Variants in EVI5 observed in about 807,000 individuals in gnomAD.
The protein encoded by EVI5 is ecotropic viral integration site 5.
A neutral mutation model predicts 112.0 loss-of-function variants in EVI5; 73 were observed. The ratio of observed to expected loss-of-function variants is 0.65; its 90% confidence interval spans 0.54 to 0.79. The LOEUF (loss-of-function observed/expected upper bound fraction) is 0.79, where lower values mean the gene tolerates loss of function less well. Ranked by LOEUF, EVI5 falls within the 30% of genes least tolerant of loss-of-function variation. The probability of loss-of-function intolerance (pLI) is 0.00; values close to 1 mark genes in which losing one functional copy is unlikely to be tolerated. For synonymous variants in EVI5, 305 were observed against 319.9 expected, an observed-to-expected ratio of 0.95 and a Z score of 0.50; for missense variants, 900 against 968.8, an observed-to-expected ratio of 0.93 and a Z score of 0.94.
intron 12 of EVI5, 72 bp from the exon 13 acceptor site, chr1:92,662,937 A>T: frequency 5.6e-6 from 4 of 712,100 alleles, no homozygotes; most frequent in Non-Finnish European, 7.1e-6. Flanking sequence ...TGTGAGGTTT[A>T]GTTATTTACT....
chr1:92,536,281 C>A (rs1235920259), intron 19 of EVI5, among the ~76,000 whole-genome samples: 2 of 151,988 alleles, frequency 1.3e-5, no homozygotes, highest in South Asian at 4.2e-4. Flanking sequence ...CCCCCAAAAA[C>A]ATTTAGTAAT....
In EVI5 at chr1:92,694,258, C is replaced by T. The variant is rs761840466; in HGVS notation, c.999+41G>A. The T allele has an allele frequency of 9.8e-6, 12 of 1,228,012 alleles. No homozygotes were observed. In the East Asian group the frequency reaches 2.8e-4, roughly 29 times the overall value. 76.1% of individuals were successfully genotyped at this position (1,228,012 alleles called of 1,614,324 possible). ...CCAGCCTGGGCAACAGAACTAAACT[C>T]TGTCTCAAAAAAAAAAAAAGAAAAT... On this transcript the variant is annotated intron_variant, in intron 8 of 19. Coordinates refer to ENST00000684568, the MANE Select transcript of EVI5 (RefSeq NM_001350197.2).
At chr1:92,591,654 A>C (rs919919433) in intron 18 of EVI5, among the ~76,000 whole-genome samples, 1 of 152,180 alleles carries the variant, frequency 6.6e-6, no homozygotes, top group African/African-American at 2.4e-5. Flanking sequence ...CTCCCACACA[A>C]TAATAATGGG....
At chr1:92,608,564 C>T (rs1368956218) in intron 16 of EVI5, among the ~76,000 whole-genome samples, 4 of 152,030 alleles carry the variant, frequency 2.6e-5, no homozygotes, top group African/African-American at 4.8e-5. Context: ...ATTAGTCAGG[C>T]ATGGTGGTGC....
rs370480607 is a variant in EVI5, at chr1:92,741,970, T to C, written c.-81-5343A>G. 2.8e-4 allele frequency among the ~76,000 whole-genome samples: 42 copies of C among 152,164 alleles called. 1 individual carries two copies. In the South Asian group the frequency reaches 8.1e-3, roughly 29 times the overall value. On this transcript the variant is annotated intron_variant, in intron 1 of 19. Transcript: ENST00000684568. ...GCAACAAAAGGAAAAAAAAGATAAA[T>C]TGGACTCCATCAAAATTAAAAACTT...
At chr1:92,518,207 C>A (rs887727065) in intron 19 of EVI5, among the ~76,000 whole-genome samples, 2 of 152,078 alleles carry the variant, frequency 1.3e-5, no homozygotes, top group Admixed American at 1.3e-4. Flanking sequence ...AAAGCATATG[C>A]TTTTGAGGCC....
chr1:92,677,993 C>G (rs1667011023), intron 9 of EVI5, among the ~76,000 whole-genome samples: 2 of 152,036 alleles, frequency 1.3e-5, no homozygotes, highest in Admixed American at 6.6e-5. Flanking sequence ...CAACTAGGAG[C>G]TAAACACTGG....
intron 1 of EVI5, among the ~76,000 whole-genome samples, chr1:92,738,710 GTATT>G (rs764309475): frequency 1.4e-4 from 22 of 152,260 alleles, no homozygotes; most frequent in Non-Finnish European, 2.1e-4. Context: ...TATAGTTAGA[GTATT>G]TAATTGCATC....
intron 18 of EVI5, among the ~76,000 whole-genome samples, chr1:92,581,141 T>G (rs1390017028): frequency 6.6e-6 from 1 of 152,234 alleles, no homozygotes; most frequent in Non-Finnish European, 1.5e-5. Flanking sequence ...ACTAACTATC[T>G]CTCCACCATA....
Position 92,543,830 on chromosome 1 carries a change from GA to G in EVI5, c.2166+19811del, listed in dbSNP as rs572696252. Among the ~76,000 whole-genome samples the G allele has an allele frequency of 3.9e-5, 6 of 152,256 alleles. No individual in the cohort carries two copies. The East Asian group carries it at 1.2e-3, about 29-fold the overall frequency. Reference sequence around the variant, plus strand: ...GACATGAAGTGAGCACACGCTGTTGGAAAAACGGCATTGAAAGACTTGCTCA... The same window carrying G: ...GACATGAAGTGAGCACACGCTGTTGGAAAACGGCATTGAAAGACTTGCTCA... On this transcript the variant is annotated intron_variant, in intron 19 of 19. Coordinates refer to ENST00000684568, the MANE Select transcript of EVI5 (RefSeq NM_001350197.2).
chr1:92,590,881 CA>C (rs1231662462), intron 18 of EVI5, among the ~76,000 whole-genome samples: 1 of 152,170 alleles, frequency 6.6e-6, no homozygotes, highest in African/African-American at 2.4e-5. Context: ...GGGTTACCCA[CA>C]AAGGGAAGCC....
At chr1:92,677,125 A>G (rs765359740) in intron 10 of EVI5, 33 bp downstream of exon 10, 11 of 1,346,884 alleles carry the variant, frequency 8.2e-6, no homozygotes, top group Admixed American at 1.9e-5. Context: ...GATTTCAATC[A>G]ATCAGTACTT....
rs200273855 is a variant in EVI5 at position 92,605,345 on chromosome 1, C to A, written c.2032G>T (p.Ala678Ser). Residue 678 changes from alanine (A) to serine (S), a missense_variant, in exon 18 of 20, where the codon GCT (alanine) becomes TCT (serine). Physicochemically the swap from Ala to Ser is moderately conservative, Grantham distance 99. Coordinates refer to ENST00000684568, the MANE Select transcript of EVI5 (RefSeq NM_001350197.2). ...TCAGCAATGTGTTGTCGTAGTTCAG[C>A]CACAGCAGCTATGCTATCTGCTTCC... ...LREADSIAAV[A>S]ELRQHIAELE... 37 of 1,613,488 alleles carry A rather than the reference C, an allele frequency of 2.3e-5. No homozygotes were observed. Among genetic ancestry groups the A allele is most frequent in the Non-Finnish European group, 5.9e-6 (7 of 1,179,610 alleles).
chr1:92,674,699 G>T (rs77631380), intron 10 of EVI5, among the ~76,000 whole-genome samples: 1 of 145,220 alleles, frequency 6.9e-6, no homozygotes, highest in Non-Finnish European at 1.5e-5. Context: ...AAAAAAAAAA[G>T]TATTCAGTTG....
At chr1:92,660,582 T>C (rs747890052) in intron 13 of EVI5, among the ~76,000 whole-genome samples, 10 of 151,994 alleles carry the variant, frequency 6.6e-5, no homozygotes, top group Non-Finnish European at 1.5e-4. Flanking sequence ...GGATTTTGAA[T>C]GTTCTCACCA....
chr1:92,735,001 G>A (rs1677100953), intron 2 of EVI5, among the ~76,000 whole-genome samples: 1 of 152,180 alleles, frequency 6.6e-6, no homozygotes, highest in African/African-American at 2.4e-5. Context: ...GGATGTAGAA[G>A]AACTGGTAAT....
chr1:92,533,495 G>A (rs1415773567), intron 19 of EVI5, among the ~76,000 whole-genome samples: 1 of 152,074 alleles, frequency 6.6e-6, no homozygotes, highest in Non-Finnish European at 1.5e-5. Context: ...AAAATTTCAG[G>A]CCAATATCCC....
chr1:92,736,278 T>C (rs1285518282), intron 2 of EVI5, 120 bp downstream of exon 2: 1 of 654,084 alleles, frequency 1.5e-6, no homozygotes, highest in Admixed American at 2.9e-5. Context: ...GATGAACACT[T>C]CTGTAAATAA....
chr1:92,592,480 A>G (rs1042888406), intron 18 of EVI5, among the ~76,000 whole-genome samples: 5 of 152,236 alleles, frequency 3.3e-5, no homozygotes, highest in Admixed American at 6.5e-5. Flanking sequence ...AAGATCTAAA[A>G]TTGACACCCT....
Sources: allele counts gnomAD v4.1 joint callset (sites outside exome capture counted in the v4.1 genomes callset), GRCh38; gene constraint gnomAD v4.1.1; transcripts MANE v1.5; gene names NCBI Gene and HGNC (gene_info 2026-07-23, HGNC 2026-07-21).